Variants in CAPG observed in about 807,000 individuals in gnomAD.
CAPG encodes macrophage-capping protein.
In CAPG, 32 loss-of-function variants were observed where a neutral mutation model predicts 44.6. The ratio of observed to expected loss-of-function variants is 0.72; its 90% CI spans 0.54 to 0.96. The LOEUF (loss-of-function observed/expected upper bound fraction) is 0.96. Among genes scored for constraint, CAPG ranks in the 50% least tolerant of loss-of-function variants. The pLI, the probability that CAPG is intolerant of heterozygous loss-of-function variation, is 0.00. For synonymous variants in CAPG, 175 were observed against 179.6 expected, an observed-to-expected ratio of 0.97 and a Z score of 0.20; for missense variants, 412 against 438.3, an observed-to-expected ratio of 0.94 and a Z score of 0.54.
upstream of CAPG, among the ~76,000 whole-genome samples, chr2:85,419,451 C>T (rs115559872): frequency 6.6e-6 from 1 of 152,186 alleles, no homozygotes; most frequent in African/African-American, 2.4e-5. Context: ...CCGGCCTGCT[C>T]GGTAGGATGA....
At chr2:85,392,173 G>A (rs762744472), downstream of CAPG, among the ~76,000 whole-genome samples, 12 of 152,162 alleles carry the variant, frequency 7.9e-5, no homozygotes, top group Non-Finnish European at 1.5e-4. Context: ...GGTGGATCAC[G>A]AGGTCAGGAG....
intron 1 of CAPG, among the ~76,000 whole-genome samples, chr2:85,408,379 C>CACACACACACA (rs1414612076): frequency 1.2e-4 from 18 of 146,262 alleles, no homozygotes; most frequent in African/African-American, 4.5e-4. Flanking sequence ...CACACACACA[C>CACACACACACA]AAGCCCCCTT....
At chr2:85,392,309 G>A (rs1427846039), downstream of CAPG, among the ~76,000 whole-genome samples, 2 of 151,178 alleles carry the variant, frequency 1.3e-5, no homozygotes, top group Non-Finnish European at 2.9e-5. Flanking sequence ...AAAATGGTGT[G>A]AACCCGGGAG....
rs375904794 is a variant in CAPG at position 85,395,560 on chromosome 2, A to G, written c.959T>C (p.Met320Thr). 1.9e-5 allele frequency: 31 copies of G among 1,613,754 alleles called. No individual in the cohort carries two copies. The highest frequency in any genetic ancestry group is 2.5e-5 in the Non-Finnish European group (30 of 1,179,894). ...CACCTGAGTGTTCGGGGCGTACTGC[A>G]TGCGCGAGATGAAGCCCTCGGCCAC... ...LQVAEGFISR[M>T]QYAPNTQVEI... The change falls in exon 9 of 10, where the codon ATG becomes ACG. Residue 320 changes from methionine (M) to threonine (T), a missense_variant. Physicochemically the swap from Met to Thr is moderately conservative, Grantham distance 81. Coordinates refer to ENST00000263867, the MANE Select transcript of CAPG (RefSeq NM_001747.4). The surrounding 1 kb of genome is among the most constrained non-coding windows in gnomAD (Gnocchi z 4.3).
intron 8 of CAPG, 48 bp downstream of exon 8, chr2:85,397,972 G>A: frequency 6.3e-7 from 1 of 1,591,676 alleles, no homozygotes. Flanking sequence ...GCCTGCCCGG[G>A]TCAGAGCAGC....
At chr2:85,397,406 G>A (rs1345506647) in intron 8 of CAPG, among the ~76,000 whole-genome samples, 2 of 152,170 alleles carry the variant, frequency 1.3e-5, no homozygotes, top group African/African-American at 4.8e-5. Flanking sequence ...GAATTTAGGA[G>A]GTGGGAACAG....
chr2:85,417,359 C>T (rs1325422705), intron 1 of CAPG, among the ~76,000 whole-genome samples: 1 of 152,122 alleles, frequency 6.6e-6, no homozygotes, highest in African/African-American at 2.4e-5. Flanking sequence ...CTAGGTCCCA[C>T]TTAGTAAGCG....
At chr2:85,403,156 TGA>T (rs2104816828) in intron 1 of CAPG, among the ~76,000 whole-genome samples, 1 of 152,154 alleles carries the variant, frequency 6.6e-6, no homozygotes, top group East Asian at 1.9e-4. Context: ...AATACAGAAA[TGA>T]GAGATGTGAG....
At chr2:85,402,070 C>T in intron 2 of CAPG, 53 bp downstream of exon 2, 1 of 1,610,490 alleles carries the variant, frequency 6.2e-7, no homozygotes, top group Non-Finnish European at 8.5e-7. Context: ...GAGGGGCAGC[C>T]CTTGGAGGTA....
intron 1 of CAPG, among the ~76,000 whole-genome samples, chr2:85,408,212 C>T (rs950467989): frequency 2.0e-5 from 3 of 151,998 alleles, no homozygotes; most frequent in East Asian, 3.9e-4. Context: ...CATGGTGGTG[C>T]GTGCCTGTAG....
At chr2:85,403,305 CA>C (rs1218466394) in intron 1 of CAPG, among the ~76,000 whole-genome samples, 1 of 152,132 alleles carries the variant, frequency 6.6e-6, no homozygotes, top group African/African-American at 2.4e-5. Flanking sequence ...CAAGAAGACA[CA>C]GATTATCTGA....
intron 5 of CAPG, among the ~76,000 whole-genome samples, chr2:85,400,463 C>T (rs75733177): frequency 0.015 from 2,311 of 152,292 alleles, 31 homozygotes; most frequent in Non-Finnish European, 0.022. Flanking sequence ...TACTCCTCAG[C>T]CAGCCAATCT....
downstream of CAPG, among the ~76,000 whole-genome samples, chr2:85,393,040 CTT>C (rs762098033): frequency 1.4e-5 from 2 of 144,884 alleles, no homozygotes; most frequent in African/African-American, 2.5e-5. Flanking sequence ...ATGCAAAAAT[CTT>C]TTTTTTTTTT....
Position 85,398,690 on chromosome 2 carries a change from C to A in CAPG, c.759G>T (p.Lys253Asn). The change falls in exon 7 of 10, where the codon AAG (lysine) becomes AAT (asparagine). Residue 253 changes from lysine to asparagine, a missense_variant and splice_region_variant. Transcript: ENST00000263867. ...KANAQAAALY[K>N]VSDATGQMNL... ...CCCAGGGCAGGCTTGGGGGGCCCACCTTATACAGAGCTGCGGCCTGGGCAT... is the reference window on the plus strand; with the variant it reads ...CCCAGGGCAGGCTTGGGGGGCCCACATTATACAGAGCTGCGGCCTGGGCAT... The A allele has an allele frequency of 6.3e-7, 1 of 1,598,050 alleles. No individual in the cohort carries two copies. The highest frequency in any genetic ancestry group is 8.5e-7 in the Non-Finnish European group (1 of 1,172,362).
chr2:85,415,331 C>T (rs980143547), upstream of CAPG, among the ~76,000 whole-genome samples: 1 of 152,240 alleles, frequency 6.6e-6, no homozygotes, highest in African/African-American at 2.4e-5. Flanking sequence ...GCAACCTGGC[C>T]TGCTTCCAGA....
chr2:85,395,305 C>T lies in CAPG; in HGVS notation c.981+233G>A, dbSNP rs755972298. 3.3e-5 allele frequency among the ~76,000 whole-genome samples: 5 copies of T among 152,176 alleles called. No homozygotes were observed. Among genetic ancestry groups the T allele is most frequent in the Non-Finnish European group, 7.4e-5 (5 of 68,026 alleles). ...GGGACAACGGCCCAGAGGAGGAGTA[C>T]CCAGTTCTCTGGGCACCCAGGAGAG... On this transcript the variant is annotated intron_variant, in intron 9 of 9. Transcript: ENST00000263867. The surrounding 1 kb of genome is among the most constrained non-coding windows in gnomAD (Gnocchi z 4.3).
intron 1 of CAPG, among the ~76,000 whole-genome samples, chr2:85,405,459 G>C (rs923738753): frequency 5.9e-5 from 9 of 152,142 alleles, no homozygotes; most frequent in Admixed American, 1.3e-4. Context: ...GGGAATTGGA[G>C]GGTAAAAATG....
At chr2:85,418,735 T>A (rs1407035628), upstream of CAPG, 2 of 152,228 alleles carry the variant, frequency 1.3e-5, no homozygotes, top group Admixed American at 6.5e-5. Flanking sequence ...CCTTGGGTGC[T>A]GATCCGGACG....
intron 8 of CAPG, 60 bp downstream of exon 8, chr2:85,397,960 A>G (rs1427865902): frequency 1.3e-6 from 2 of 1,557,206 alleles, no homozygotes; most frequent in African/African-American, 1.4e-5. Context: ...CTGCAAAGGG[A>G]AGCCTGCCCG....
Sources: allele counts gnomAD v4.1 joint callset (sites outside exome capture counted in the v4.1 genomes callset), GRCh38; gene constraint gnomAD v4.1.1; non-coding constraint Gnocchi (gnomAD v3.1); transcripts MANE v1.5; gene names NCBI Gene and HGNC (gene_info 2026-07-23, HGNC 2026-07-21).